Variants in C2orf42 observed in about 807,000 individuals in gnomAD.
C2orf42 encodes chromosome 2 open reading frame 42.
In C2orf42, 44 loss-of-function variants were observed where a neutral mutation model predicts 58.9. That is an observed-to-expected ratio of 0.75 (90% CI 0.59 to 0.96). The LOEUF (loss-of-function observed/expected upper bound fraction) is 0.96. Among genes scored for constraint, C2orf42 ranks in the 40% least tolerant of loss-of-function variants. The pLI is 0.00. For synonymous variants in C2orf42, 239 were observed against 265.4 expected (o/e 0.90, Z 0.97); for missense variants, 630 against 699.2 (o/e 0.90, Z 1.12).
intron 1 of C2orf42, among the ~76,000 whole-genome samples, chr2:70,184,666 G>C (rs994927056): frequency 6.6e-6 from 1 of 150,862 alleles, no homozygotes; most frequent in Non-Finnish European, 1.5e-5. Context: ...TTTTTATAGA[G>C]ATGGGGGTCT....
chr2:70,169,887 T>C (rs1003522240), intron 5 of C2orf42, among the ~76,000 whole-genome samples: 19 of 151,912 alleles, frequency 1.3e-4, no homozygotes, highest in African/African-American at 4.6e-4. Flanking sequence ...GCCTCCTGAG[T>C]AGCTGGGATT....
chr2:70,174,552 C>G (rs1393347134), intron 5 of C2orf42, among the ~76,000 whole-genome samples: 1 of 152,078 alleles, frequency 6.6e-6, no homozygotes, highest in Non-Finnish European at 1.5e-5. Flanking sequence ...TAGTTCCATG[C>G]AATTTTAGGG....
At chr2:70,189,469 G>A (rs1675182048) in intron 1 of C2orf42, among the ~76,000 whole-genome samples, 1 of 145,320 alleles carries the variant, frequency 6.9e-6, no homozygotes, top group Non-Finnish European at 1.5e-5. Context: ...TGTAATCCCA[G>A]CACTTTGGGA....
chr2:70,184,995 C>A (rs1259697234), intron 1 of C2orf42, among the ~76,000 whole-genome samples: 1 of 151,874 alleles, frequency 6.6e-6, no homozygotes, highest in African/African-American at 2.4e-5. Flanking sequence ...GAGGCTGAGG[C>A]AGGAGAATGG....
intron 5 of C2orf42, among the ~76,000 whole-genome samples, chr2:70,173,254 A>G (rs1673949758): frequency 6.6e-6 from 1 of 150,920 alleles, no homozygotes; most frequent in Admixed American, 6.6e-5. Flanking sequence ...TAGAATGCCT[A>G]AGTGCGTAAG....
chr2:70,189,406 C>CAAAAAAAAAAAAA (rs1182514916), intron 1 of C2orf42, among the ~76,000 whole-genome samples: 3 of 27,142 alleles, frequency 1.1e-4, no homozygotes, highest in Non-Finnish European at 1.6e-4. Context: ...AACTCCATCT[C>CAAAAAAAAAAAAA]AAAAAAAAAA....
At chr2:70,171,546 T>G (rs532738432) in intron 5 of C2orf42, among the ~76,000 whole-genome samples, 149 of 152,192 alleles carry the variant, frequency 9.8e-4, no homozygotes, top group African/African-American at 3.5e-3. Flanking sequence ...AGTCTTGCTC[T>G]GTTGCCCAGG....
chr2:70,178,946 ATG>A (rs1421985058), intron 4 of C2orf42, among the ~76,000 whole-genome samples: 5 of 151,748 alleles, frequency 3.3e-5, no homozygotes, highest in Non-Finnish European at 7.4e-5. Flanking sequence ...AAAGAAAAAA[ATG>A]TGTGTGTGGG....
rs750389275 is a variant in C2orf42, at chr2:70,152,669, A to AC, written c.1517-2106dup. ...GTTTCCTTTAGAACATCTCACACAC[A>AC]CCCCTCCCCACTCATGTACCTGAAT... is the stretch of plus-strand genomic sequence containing the variant. On this transcript the variant is annotated intron_variant, in intron 9 of 9. Coordinates refer to ENST00000264434, the MANE Select transcript of C2orf42 (RefSeq NM_017880.3). Among the ~76,000 whole-genome samples, 10 of 152,072 alleles carry AC rather than the reference A, an allele frequency of 6.6e-5. No individual in the cohort carries two copies. The East Asian group carries it at 9.6e-4, about 15-fold the overall frequency.
At chr2:70,165,760 A>C (rs1673357496) in intron 6 of C2orf42, 125 bp from the exon 7 acceptor site, 2 of 614,492 alleles carry the variant, frequency 3.3e-6, no homozygotes, top group Admixed American at 2.9e-5. Flanking sequence ...AGATTTCTTT[A>C]TACAGAGGCA....
At chr2:70,153,752 A>G (rs746445741) in intron 9 of C2orf42, among the ~76,000 whole-genome samples, 2 of 151,618 alleles carry the variant, frequency 1.3e-5, no homozygotes, top group Non-Finnish European at 1.5e-5. Flanking sequence ...AATGACTGAT[A>G]TATCTATCCA....
chr2:70,182,061 TA>T (rs1394262193), intron 2 of C2orf42, 64 bp from the exon 3 acceptor site: 3 of 752,974 alleles, frequency 4.0e-6, no homozygotes, highest in Non-Finnish European at 6.5e-6. Context: ...TAAAATCACT[TA>T]TGATATTTAG....
At chr2:70,179,396 CCTGT>C (rs1674400770) in intron 4 of C2orf42, 132 bp downstream of exon 4, 1 of 332,214 alleles carries the variant, frequency 3.0e-6, no homozygotes, top group Non-Finnish European at 5.4e-6. Context: ...TGGTAAGACC[CCTGT>C]CTCTTTATTT....
At chr2:70,171,353 ATG>A (rs1338747020) in intron 5 of C2orf42, among the ~76,000 whole-genome samples, 1 of 152,134 alleles carries the variant, frequency 6.6e-6, no homozygotes, top group Non-Finnish European at 1.5e-5. Flanking sequence ...CCTGATGAAC[ATG>A]TATCCATATG....
chr2:70,153,152 A>G (rs145773954), intron 9 of C2orf42, among the ~76,000 whole-genome samples: 1 of 151,890 alleles, frequency 6.6e-6, no homozygotes, highest in Non-Finnish European at 1.5e-5. Context: ...ATATGCGGGG[A>G]ATCTTAGTTT....
At chr2:70,166,514 A>AG (rs1418469332) in intron 6 of C2orf42, among the ~76,000 whole-genome samples, 1 of 150,640 alleles carries the variant, frequency 6.6e-6, no homozygotes, top group African/African-American at 2.4e-5. Context: ...AAAAAAAAAA[A>AG]AAAAAAAAAA....
At position 70,180,896 on chromosome 2, in the gene C2orf42, C is replaced by T. The variant is rs574986637; in HGVS notation, c.823+267G>A. 3.9e-4 allele frequency among the ~76,000 whole-genome samples: 57 copies of T among 144,412 alleles called. 1 individual carries two copies. The South Asian group carries it at 0.013, about 32-fold the overall frequency. 94.7% of individuals were successfully genotyped at this position (144,412 alleles called of 152,430 possible). A position where few individuals can be genotyped will look rare whatever the true frequency, so the allele number is the denominator to read the frequency against. ...ACGTGCCTGTGGTCCTAGCTATCTGCGGGGACTGAGGTGGTAGGATCTCGA... is the reference window on the plus strand; with the variant it reads ...ACGTGCCTGTGGTCCTAGCTATCTGTGGGGACTGAGGTGGTAGGATCTCGA... On this transcript the variant is annotated intron_variant, in intron 3 of 9. Coordinates refer to ENST00000264434, the MANE Select transcript of C2orf42 (RefSeq NM_017880.3).
At chr2:70,163,251 T>C (rs531202807) in intron 8 of C2orf42, among the ~76,000 whole-genome samples, 2 of 150,320 alleles carry the variant, frequency 1.3e-5, no homozygotes, top group South Asian at 4.2e-4. Flanking sequence ...CATACATACA[T>C]ATATATTTTT....
intron 1 of C2orf42, among the ~76,000 whole-genome samples, chr2:70,187,816 G>A (rs888727489): frequency 2.0e-5 from 3 of 151,458 alleles, no homozygotes; most frequent in Non-Finnish European, 4.4e-5. Flanking sequence ...TCAGCCTCCC[G>A]ATTAACTGAG....
Sources: allele counts gnomAD v4.1 joint callset (sites outside exome capture counted in the v4.1 genomes callset), GRCh38; gene constraint gnomAD v4.1.1; transcripts MANE v1.5; gene names NCBI Gene and HGNC (gene_info 2026-07-23, HGNC 2026-07-21).